Variants in PAPSS2 observed in about 807,000 individuals in gnomAD.
PAPSS2 encodes bifunctional 3'-phosphoadenosine 5'-phosphosulfate synthase 2.
In PAPSS2, 61 loss-of-function variants were observed where a neutral mutation model predicts 66.5. That is an observed-to-expected ratio of 0.92 (90% CI 0.75 to 1.14). PAPSS2 has a LOEUF of 1.14. PAPSS2 is among the 50% of genes most tolerant of loss of function. PAPSS2 has a pLI of 0.00. For missense variants in PAPSS2, 708 were observed against 789.6 expected, an observed-to-expected ratio of 0.90 and a Z score of 1.24; for synonymous variants, 289 against 287.5, an observed-to-expected ratio of 1.01 and a Z score of -0.05.
At chr10:87,735,719 A>G (rs752501571) in intron 9 of PAPSS2, among the ~76,000 whole-genome samples, 2 of 152,192 alleles carry the variant, frequency 1.3e-5, no homozygotes, top group Non-Finnish European at 2.9e-5. Context: ...GCAATGTAGG[A>G]TATTTAGTAG....
At chr10:87,687,816 T>G (rs1853107134) in intron 1 of PAPSS2, among the ~76,000 whole-genome samples, 1 of 148,614 alleles carries the variant, frequency 6.7e-6, no homozygotes, top group South Asian at 2.1e-4. Flanking sequence ...CAATTAAAAA[T>G]TTAAAAAACT....
At chr10:87,671,982 G>A (rs766865201) in intron 1 of PAPSS2, among the ~76,000 whole-genome samples, 7 of 152,130 alleles carry the variant, frequency 4.6e-5, no homozygotes, top group Non-Finnish European at 8.8e-5. Context: ...GTATTATAGC[G>A]GAGTTCCTCT....
intron 1 of PAPSS2, among the ~76,000 whole-genome samples, chr10:87,678,972 A>G (rs1458304090): frequency 6.6e-6 from 1 of 152,212 alleles, no homozygotes; most frequent in Non-Finnish European, 1.5e-5. Flanking sequence ...AGAGATACCT[A>G]CATTTACATG....
chr10:87,710,497 A>G (rs1198849085), intron 2 of PAPSS2, among the ~76,000 whole-genome samples: 2 of 152,104 alleles, frequency 1.3e-5, no homozygotes, highest in African/African-American at 4.8e-5. Context: ...CCCTCCTGTT[A>G]TATGTTTCCC....
At chr10:87,728,467 C>T (rs950051053) in intron 9 of PAPSS2, among the ~76,000 whole-genome samples, 39 of 152,202 alleles carry the variant, frequency 2.6e-4, no homozygotes, top group Admixed American at 7.2e-4. Flanking sequence ...AGGCTGGGCG[C>T]GGTGGCTCAC....
At chr10:87,712,964 CTT>C (rs112298562) in intron 2 of PAPSS2, 109 bp from the exon 3 acceptor site, 17,516 of 600,184 alleles carry the variant, frequency 0.029, no homozygotes, top group South Asian at 0.054. Flanking sequence ...TTCTTTCTTT[CTT>C]TTTTTTTTTT....
Position 87,659,878 on chromosome 10 carries a change from A to AGTC in PAPSS2, c.-103_-102insTCG, listed in dbSNP as rs1554860693. 11 of 1,004,912 alleles carry AGTC rather than the reference A, an allele frequency of 1.1e-5. No homozygotes were observed. In the African/African-American group the frequency reaches 1.9e-4, roughly 17 times the overall value. 62.2% of individuals were successfully genotyped at this position (1,004,912 alleles called of 1,614,324 possible). On this transcript the variant is annotated 5_prime_UTR_variant, in exon 1 of 13. Transcript: ENST00000456849. The stretch of plus-strand genomic sequence containing the variant: ...TATACCTCCTTCCCGGGAGTCCGGC[A>AGTC]GCCGCTGCTGCTGCTGCTGCTGCTG...
chr10:87,690,496 C>A (rs959831279), intron 1 of PAPSS2, among the ~76,000 whole-genome samples: 1 of 152,164 alleles, frequency 6.6e-6, no homozygotes. Context: ...CTTCTGCATA[C>A]CTGCTTGTGT....
At chr10:87,732,485 T>C (rs1035623480) in intron 9 of PAPSS2, among the ~76,000 whole-genome samples, 9 of 151,826 alleles carry the variant, frequency 5.9e-5, no homozygotes, top group Admixed American at 3.9e-4. Context: ...ATTGTATCAG[T>C]GCACTCCAAC....
At chr10:87,694,228 C>A (rs1853205422) in intron 1 of PAPSS2, among the ~76,000 whole-genome samples, 1 of 152,340 alleles carries the variant, frequency 6.6e-6, no homozygotes, top group South Asian at 2.1e-4. Context: ...AACTGTCCAA[C>A]ATTAAAATCT....
chr10:87,680,488 G>T (rs1317165707), intron 1 of PAPSS2, among the ~76,000 whole-genome samples: 1 of 152,064 alleles, frequency 6.6e-6, no homozygotes, highest in African/African-American at 2.4e-5. Context: ...AGCCATGGTG[G>T]GTCTGTAGAG....
intron 7 of PAPSS2, 131 bp downstream of exon 7, chr10:87,715,974 CAG>C (rs749184165): frequency 5.6e-5 from 40 of 709,902 alleles, no homozygotes; most frequent in Non-Finnish European, 9.5e-5. Flanking sequence ...GGATCATTTA[CAG>C]TGTGCTCCAT....
chr10:87,660,804 G>GAAAAAA (rs61018901), intron 1 of PAPSS2, among the ~76,000 whole-genome samples: 3 of 114,106 alleles, frequency 2.6e-5, no homozygotes, highest in Non-Finnish European at 5.4e-5. Flanking sequence ...CCAATAAACT[G>GAAAAAA]AAAAAAAAAA....
chr10:87,673,689 CTTTTTTTTTTTTTT>C (rs34935261), intron 1 of PAPSS2, among the ~76,000 whole-genome samples: 3 of 67,424 alleles, frequency 4.4e-5, no homozygotes, highest in Non-Finnish European at 5.7e-5. Flanking sequence ...TTTTGGCTTA[CTTTTTTTTTTTTTT>C]TTTTTTTTTT....
rs557030848 is a variant in PAPSS2, at chr10:87,724,994, C to T, written c.881-2290C>T. Among the ~76,000 whole-genome samples the T allele has an allele frequency of 9.2e-5, 14 of 151,724 alleles. No homozygotes were observed. In the East Asian group the frequency reaches 1.2e-3, roughly 13 times the overall value. Reference sequence around the variant, plus strand: ...AAGACCTGCGGTTCAAGTCCACAGGCGGTCTGCTGGCATAATTCTCTCCTT... The same window carrying T: ...AAGACCTGCGGTTCAAGTCCACAGGTGGTCTGCTGGCATAATTCTCTCCTT... On this transcript the variant is annotated intron_variant, in intron 8 of 12. Coordinates refer to ENST00000456849, the MANE Select transcript of PAPSS2 (RefSeq NM_001015880.2).
intron 8 of PAPSS2, among the ~76,000 whole-genome samples, chr10:87,726,556 A>G (rs2131720153): frequency 6.6e-6 from 1 of 152,386 alleles, no homozygotes; most frequent in African/African-American, 2.4e-5. Flanking sequence ...TGTGATTATT[A>G]TGCATTGTAT....
intron 1 of PAPSS2, among the ~76,000 whole-genome samples, chr10:87,707,382 G>C (rs1231187327): frequency 6.6e-6 from 1 of 152,064 alleles, no homozygotes; most frequent in Non-Finnish European, 1.5e-5. Flanking sequence ...ATCTGGTTTG[G>C]GGGGTGTCTA....
chr10:87,686,141 G>GT (rs572035192), intron 1 of PAPSS2, among the ~76,000 whole-genome samples: 20,857 of 136,994 alleles, frequency 0.15, 1,595 homozygotes, highest in East Asian at 0.35. Flanking sequence ...ATGGAAGGTG[G>GT]TTTTTTTTTT....
At chr10:87,671,854 G>T (rs1039354363) in intron 1 of PAPSS2, among the ~76,000 whole-genome samples, 1 of 151,324 alleles carries the variant, frequency 6.6e-6, no homozygotes, top group Non-Finnish European at 1.5e-5. Flanking sequence ...GGGCAGCTGA[G>T]ACCTGGGTTG....
Sources: allele counts gnomAD v4.1 joint callset (sites outside exome capture counted in the v4.1 genomes callset), GRCh38; gene constraint gnomAD v4.1.1; transcripts MANE v1.5; gene names NCBI Gene and HGNC (gene_info 2026-07-23, HGNC 2026-07-21).